Variants in SPMIP4 observed in about 807,000 individuals in gnomAD.
SPMIP4 encodes sperm-associated microtubule inner protein 4.
the SPMIP4 span, among the ~76,000 whole-genome samples, chr7:25,130,520 G>C: frequency 6.6e-6 from 1 of 151,988 alleles, no homozygotes; most frequent in Non-Finnish European, 1.5e-5. Flanking sequence ...CACCATGTTA[G>C]CCAGACTGGT....
At chr7:25,148,477 C>CTTTTTTTTT in the SPMIP4 span, among the ~76,000 whole-genome samples, 1,465 of 127,968 alleles carry the variant, frequency 0.011, 54 homozygotes, top group South Asian at 0.017. Flanking sequence ...GAATCTGCCT[C>CTTTTTTTTT]TTTTTTTTTT....
chr7:25,125,984 A>C, the SPMIP4 span: 1 of 984,152 alleles, frequency 1.0e-6, no homozygotes, highest in East Asian at 1.1e-4. Context: ...GGAACTGAAA[A>C]ATAAAATTAA....
chr7:25,179,251 G>C, the SPMIP4 span: 1 of 1,613,728 alleles, frequency 6.2e-7, no homozygotes, highest in South Asian at 1.1e-5. Flanking sequence ...GTGTTGGACA[G>C]TATGTCAGCT....
At chr7:25,140,201 A>C in the SPMIP4 span, among the ~76,000 whole-genome samples, 10 of 152,100 alleles carry the variant, frequency 6.6e-5, no homozygotes, top group Non-Finnish European at 1.3e-4. Context: ...GTGAATGATA[A>C]AACACAGCCT....
At chr7:25,177,799 A>AT in the SPMIP4 span, among the ~76,000 whole-genome samples, 1 of 151,704 alleles carries the variant, frequency 6.6e-6, no homozygotes, top group East Asian at 1.9e-4. Flanking sequence ...TTTCATTGTA[A>AT]TTTTTTTTTT....
chr7:25,161,182 G>A, the SPMIP4 span: 1 of 1,511,416 alleles, frequency 6.6e-7, no homozygotes, highest in Non-Finnish European at 9.0e-7. Flanking sequence ...AAAAAACCCA[G>A]ACTTACAAAG....
chr7:25,168,267 G>A, the SPMIP4 span: 2 of 1,582,848 alleles, frequency 1.3e-6, no homozygotes, highest in Non-Finnish European at 1.7e-6. Flanking sequence ...ACCTTTCTGT[G>A]AATGGCAGAA....
chr7:25,177,809 T>A, the SPMIP4 span, among the ~76,000 whole-genome samples: 1 of 152,194 alleles, frequency 6.6e-6, no homozygotes, highest in Non-Finnish European at 1.5e-5. Context: ...ATTTTTTTTT[T>A]TAAACTTTTT....
chr7:25,151,753 A>C, the SPMIP4 span: 5 of 803,696 alleles, frequency 6.2e-6, no homozygotes, highest in Middle Eastern at 8.0e-4. Flanking sequence ...AATAAATAGA[A>C]ATGAGATAAT....
the SPMIP4 span, among the ~76,000 whole-genome samples, chr7:25,133,625 TA>T: frequency 2.0e-5 from 3 of 152,338 alleles, no homozygotes; most frequent in East Asian, 5.8e-4. Context: ...CGGATGTGCC[TA>T]ATGTTTTAAA....
chr7:25,156,092 G>T, the SPMIP4 span, among the ~76,000 whole-genome samples: 1 of 152,164 alleles, frequency 6.6e-6, no homozygotes, highest in Non-Finnish European at 1.5e-5. Flanking sequence ...GAGCAGGGTG[G>T]GCCCCTAACC....
the SPMIP4 span, chr7:25,158,368 CA>C: frequency 0.074 from 22,135 of 298,112 alleles, 22 homozygotes; most frequent in East Asian, 0.12. Flanking sequence ...GACTCTGTCT[CA>C]AAAAAAAAAA....
chr7:25,173,917 C>T, the SPMIP4 span, among the ~76,000 whole-genome samples: 23 of 152,136 alleles, frequency 1.5e-4, no homozygotes. This position sits in a 1 kb window ranked among gnomAD's most constrained non-coding sequence, Gnocchi z 4.4. Context: ...GTCATATTTC[C>T]CTCTTACTTT....
At chr7:25,163,161 G>T in the SPMIP4 span, among the ~76,000 whole-genome samples, 6 of 152,170 alleles carry the variant, frequency 3.9e-5, no homozygotes, top group African/African-American at 1.2e-4. This position sits in a 1 kb window ranked among gnomAD's most constrained non-coding sequence, Gnocchi z 4.4. Flanking sequence ...AGAGAGAAAA[G>T]AATACATGAC....
chr7:25,156,193 G>A, the SPMIP4 span, among the ~76,000 whole-genome samples: 26 of 152,248 alleles, frequency 1.7e-4, no homozygotes, highest in Admixed American at 1.4e-3. Flanking sequence ...CAGAGATCGG[G>A]ATGATGCATC....
At chr7:25,145,775 C>A in the SPMIP4 span, among the ~76,000 whole-genome samples, 1 of 152,134 alleles carries the variant, frequency 6.6e-6, no homozygotes, top group Non-Finnish European at 1.5e-5. Flanking sequence ...TAACTCATAA[C>A]CTATTTAATA....
chr7:25,128,531 C>T, the SPMIP4 span, among the ~76,000 whole-genome samples: 5 of 152,226 alleles, frequency 3.3e-5, no homozygotes, highest in Non-Finnish European at 7.3e-5. The surrounding 1 kb of genome is among the most constrained non-coding windows in gnomAD (Gnocchi z 4.5). Flanking sequence ...TCACTCAAGG[C>T]ACAGGGGCTC....
the SPMIP4 span, among the ~76,000 whole-genome samples, chr7:25,137,537 G>A: frequency 6.6e-6 from 1 of 152,028 alleles, no homozygotes; most frequent in Non-Finnish European, 1.5e-5. Context: ...TATTGGCAGG[G>A]TTGGTTTCTT....
At chr7:25,165,564 T>C in the SPMIP4 span, among the ~76,000 whole-genome samples, 10 of 152,202 alleles carry the variant, frequency 6.6e-5, no homozygotes, top group Non-Finnish European at 5.9e-5. Context: ...GTGATTCTCC[T>C]GCCTCAGCCT....
Sources: gnomAD v4.1 joint callset for allele counts (sites outside exome capture counted in the v4.1 genomes callset) on GRCh38, gnomAD v4.1.1 for gene constraint, Gnocchi (gnomAD v3.1) non-coding constraint, MANE v1.5 for transcripts, NCBI Gene and HGNC (gene_info 2026-07-23, HGNC 2026-07-21) for gene names.